Variants in PPP2R2B observed in about 807,000 individuals in gnomAD.
PPP2R2B encodes protein phosphatase 2 regulatory subunit Bbeta.
PPP2R2B carries 5 observed loss-of-function variants against 46.0 expected under a neutral mutation model. That is an observed-to-expected ratio of 0.11 (90% CI 0.06 to 0.23). PPP2R2B has a LOEUF of 0.23. Among genes scored for constraint, PPP2R2B ranks in the 10% least tolerant of loss-of-function variants. The pLI, the probability that PPP2R2B is intolerant of heterozygous loss-of-function variation, is 1.00. For missense variants in PPP2R2B, 367 were observed against 575.0 expected (o/e 0.64, Z 3.70); for synonymous variants, 215 against 206.7 (o/e 1.04, Z -0.34).
At chr5:146,676,792 A>C (rs910807328) in intron 5 of PPP2R2B, among the ~76,000 whole-genome samples, 26 of 152,196 alleles carry the variant, frequency 1.7e-4, no homozygotes, top group African/African-American at 5.8e-4. Flanking sequence ...CCTGGCTTAC[A>C]GTAGGGACTT....
intron 2 of PPP2R2B, among the ~76,000 whole-genome samples, chr5:146,871,863 C>G (rs1021448415): frequency 6.6e-6 from 1 of 152,092 alleles, no homozygotes; most frequent in Non-Finnish European, 1.5e-5. Flanking sequence ...GTTCTCTGTA[C>G]CTTGAAATTT....
chr5:146,821,465 C>A (rs139117454), intron 2 of PPP2R2B, among the ~76,000 whole-genome samples: 1 of 152,274 alleles, frequency 6.6e-6, no homozygotes, highest in Non-Finnish European at 1.5e-5. Flanking sequence ...TGTCACAGCA[C>A]TTTGTGGATG....
chr5:146,595,804 T>C (rs576718506), intron 8 of PPP2R2B, among the ~76,000 whole-genome samples: 1 of 152,294 alleles, frequency 6.6e-6, no homozygotes, highest in East Asian at 1.9e-4. Context: ...CTCATCCTAT[T>C]TGATGTTCTT....
chr5:146,728,102 T>C (rs1197165998), intron 2 of PPP2R2B, among the ~76,000 whole-genome samples: 2 of 151,900 alleles, frequency 1.3e-5, no homozygotes, highest in Non-Finnish European at 2.9e-5. Flanking sequence ...AAAAAACTTT[T>C]AGTTTCTCTG....
chr5:146,849,012 C>T (rs147959592), intron 2 of PPP2R2B, among the ~76,000 whole-genome samples: 2 of 152,224 alleles, frequency 1.3e-5, no homozygotes, highest in Admixed American at 6.5e-5. Flanking sequence ...TTTTGACATA[C>T]CTCCATCAGT....
At chr5:146,866,351 C>T (rs1443409126) in intron 2 of PPP2R2B, among the ~76,000 whole-genome samples, 1 of 152,170 alleles carries the variant, frequency 6.6e-6, no homozygotes, top group Non-Finnish European at 1.5e-5. Context: ...TTATGTCAGA[C>T]ATACCTGCAT....
intron 2 of PPP2R2B, among the ~76,000 whole-genome samples, chr5:146,764,812 A>T (rs1485584012): frequency 1.3e-5 from 2 of 149,388 alleles, no homozygotes; most frequent in East Asian, 3.9e-4. Flanking sequence ...AGAGAGAGAG[A>T]GAGAGAGAGA....
chr5:146,605,303 C>T (rs1227005832), intron 7 of PPP2R2B, among the ~76,000 whole-genome samples: 2 of 152,160 alleles, frequency 1.3e-5, no homozygotes, highest in South Asian at 2.1e-4. Flanking sequence ...ACCCTGTTTC[C>T]TTCTCTGTAA....
At chr5:146,827,976 T>C (rs560917029) in intron 2 of PPP2R2B, among the ~76,000 whole-genome samples, 80 of 151,272 alleles carry the variant, frequency 5.3e-4, no homozygotes, top group African/African-American at 1.8e-3. Context: ...GAAAAAGAAT[T>C]GGGAGTCTCC....
At chr5:146,982,983 C>T (rs1753243294) in intron 1 of PPP2R2B, among the ~76,000 whole-genome samples, 1 of 151,964 alleles carries the variant, frequency 6.6e-6, no homozygotes, top group Non-Finnish European at 1.5e-5. Flanking sequence ...ATTAACTCTG[C>T]TAATTTCTGT....
At chr5:146,771,145 A>G (rs1302594225) in intron 2 of PPP2R2B, among the ~76,000 whole-genome samples, 3 of 152,164 alleles carry the variant, frequency 2.0e-5, no homozygotes, top group Non-Finnish European at 2.9e-5. Flanking sequence ...TATATCTTAG[A>G]CCCAAAGCTC....
At chr5:146,907,521 G>T (rs1217229886) in intron 1 of PPP2R2B, among the ~76,000 whole-genome samples, 1 of 152,208 alleles carries the variant, frequency 6.6e-6, no homozygotes, top group East Asian at 1.9e-4. Flanking sequence ...TCTCTGTGCT[G>T]CCTGGTCATC....
At chr5:146,870,979 GC>G (rs1761582394) in intron 2 of PPP2R2B, among the ~76,000 whole-genome samples, 1 of 152,190 alleles carries the variant, frequency 6.6e-6, no homozygotes, top group South Asian at 2.1e-4. Flanking sequence ...TGAACTTGGA[GC>G]AGGAGAACTC....
At chr5:146,712,921 C>T (rs541864399) in intron 2 of PPP2R2B, among the ~76,000 whole-genome samples, 4 of 152,218 alleles carry the variant, frequency 2.6e-5, no homozygotes, top group East Asian at 3.9e-4. Context: ...ACACCAACTA[C>T]GTGTAAAGTA....
At chr5:147,059,058 C>T (rs1458116634), upstream of PPP2R2B, among the ~76,000 whole-genome samples, 2 of 152,136 alleles carry the variant, frequency 1.3e-5, no homozygotes, top group African/African-American at 4.8e-5. Context: ...TTTCCAAATA[C>T]GCTTGTCCTA....
intron 6 of PPP2R2B, among the ~76,000 whole-genome samples, chr5:146,641,148 C>T (rs1775181165): frequency 6.6e-6 from 1 of 152,234 alleles, no homozygotes; most frequent in Admixed American, 6.5e-5. Context: ...TGTTGTCCCC[C>T]TTGCCCCTCA....
chr5:146,689,123 A>G (rs574219443), intron 5 of PPP2R2B, among the ~76,000 whole-genome samples: 12 of 152,336 alleles, frequency 7.9e-5, no homozygotes, highest in Admixed American at 5.9e-4. Context: ...GATGACGATG[A>G]TGTTATTAAT....
intron 1 of PPP2R2B, among the ~76,000 whole-genome samples, chr5:146,962,403 A>G (rs1277478122): frequency 6.6e-6 from 1 of 152,042 alleles, no homozygotes; most frequent in Non-Finnish European, 1.5e-5. Context: ...TCATGCCTGT[A>G]ATCCTAGCAC....
intron 5 of PPP2R2B, among the ~76,000 whole-genome samples, chr5:146,689,434 T>A (rs1778700171): frequency 6.6e-6 from 1 of 152,226 alleles, no homozygotes; most frequent in South Asian, 2.1e-4. Context: ...CATTGTGTTA[T>A]AATTGCTTAC....
Sources: allele counts gnomAD v4.1 joint callset (sites outside exome capture counted in the v4.1 genomes callset), GRCh38; gene constraint gnomAD v4.1.1; transcripts MANE v1.5; gene names NCBI Gene and HGNC (gene_info 2026-07-23, HGNC 2026-07-21).